Variants in PPP2CB observed in about 807,000 individuals in gnomAD.
PPP2CB encodes serine/threonine-protein phosphatase 2A catalytic subunit beta isoform.
A neutral mutation model predicts 39.1 loss-of-function variants in PPP2CB; 18 were observed. The ratio of observed to expected loss-of-function variants is 0.46; its 90% CI spans 0.32 to 0.68. The LOEUF is 0.68. Ranked by LOEUF, PPP2CB falls within the 30% of genes least tolerant of loss-of-function variation. PPP2CB has a pLI of 0.04. For missense variants in PPP2CB, 226 were observed against 396.9 expected, an observed-to-expected ratio of 0.57 and a Z score of 3.66; for synonymous variants, 129 against 133.8, an observed-to-expected ratio of 0.96 and a Z score of 0.25.
At chr8:30,804,168 GAA>G (rs1208632483) in intron 1 of PPP2CB, among the ~76,000 whole-genome samples, 1 of 152,124 alleles carries the variant, frequency 6.6e-6, no homozygotes, top group Non-Finnish European at 1.5e-5. Flanking sequence ...AACTCAACTG[GAA>G]AAATCCCTCA....
At chr8:30,786,714 A>G (rs149507025) in intron 6 of PPP2CB, among the ~76,000 whole-genome samples, 231 of 138,004 alleles carry the variant, frequency 1.7e-3, no homozygotes, top group African/African-American at 5.7e-3. Context: ...CCCAGGCTGG[A>G]GTGCACTGGC....
intron 1 of PPP2CB, among the ~76,000 whole-genome samples, chr8:30,803,735 T>C (rs1806664024): frequency 6.6e-6 from 1 of 151,716 alleles, no homozygotes; most frequent in Non-Finnish European, 1.5e-5. Context: ...TACACACATA[T>C]CACAAAGTAG....
chr8:30,789,505 AAGG>A (rs1806396526), intron 6 of PPP2CB, among the ~76,000 whole-genome samples: 1 of 152,176 alleles, frequency 6.6e-6, no homozygotes, highest in African/African-American at 2.4e-5. Flanking sequence ...ATCAAAGCTG[AAGG>A]AGTTTATATT....
chr8:30,797,576 C>T lies in PPP2CB; in HGVS notation c.486+5G>A. On this transcript the variant is annotated splice_donor_5th_base_variant and intron_variant, in intron 3 of 6. Coordinates refer to ENST00000221138, the MANE Select transcript of PPP2CB (RefSeq NM_001009552.2). ...CTCCCAAGATGTAAGCACACATATA[C>T]ATACCTGTCCATCTACTAAAGCTGT... The T allele has an allele frequency of 6.2e-7, 1 of 1,608,952 alleles. No homozygotes were observed. Among genetic ancestry groups the T allele is most frequent in the Non-Finnish European group, 8.5e-7 (1 of 1,176,074 alleles).
intron 1 of PPP2CB, among the ~76,000 whole-genome samples, chr8:30,802,511 C>T (rs1004125636): frequency 1.8e-4 from 27 of 152,168 alleles, no homozygotes; most frequent in African/African-American, 5.8e-4. Context: ...GACAGGGTCT[C>T]GCTCTGTTGC....
At chr8:30,790,019 C>A (rs543359205) in intron 6 of PPP2CB, among the ~76,000 whole-genome samples, 1 of 152,264 alleles carries the variant, frequency 6.6e-6, no homozygotes, top group South Asian at 2.1e-4. Context: ...GTGTGTGTTT[C>A]TTTTCCTCTT....
intron 1 of PPP2CB, among the ~76,000 whole-genome samples, chr8:30,806,430 G>A (rs1269409828): frequency 1.3e-5 from 2 of 152,086 alleles, no homozygotes; most frequent in African/African-American, 4.8e-5. Context: ...GGTCATTAAG[G>A]AAGAAAAGAT....
intron 1 of PPP2CB, among the ~76,000 whole-genome samples, chr8:30,804,980 A>G (rs891784248): frequency 2.6e-5 from 4 of 152,100 alleles, no homozygotes; most frequent in Non-Finnish European, 5.9e-5. Context: ...CCTGGTGTTC[A>G]TTAATCGTGT....
intron 5 of PPP2CB, 29 bp from the exon 6 acceptor site, chr8:30,791,344 CATT>C: frequency 1.4e-6 from 2 of 1,440,606 alleles, no homozygotes; most frequent in South Asian, 2.4e-5. Context: ...TTCATTATTT[CATT>C]ATAATATTAT....
chr8:30,791,970 GTA>G (rs761363265), intron 5 of PPP2CB, among the ~76,000 whole-genome samples: 148 of 88,172 alleles, frequency 1.7e-3, no homozygotes, highest in African/African-American at 1.3e-3. Context: ...GTATACGTGT[GTA>G]TATGTGTATA....
At chr8:30,800,132 A>G (rs1260519035) in intron 1 of PPP2CB, among the ~76,000 whole-genome samples, 1 of 152,248 alleles carries the variant, frequency 6.6e-6, no homozygotes, top group Non-Finnish European at 1.5e-5. Context: ...CATTATTAAT[A>G]ACAGCCAAAA....
Position 30,793,914 on chromosome 8 carries a change from T to C in PPP2CB, c.738+3A>G. 16 of 1,610,630 alleles carry C rather than the reference T, an allele frequency of 9.9e-6. No homozygotes were observed. The highest frequency in any genetic ancestry group is 1.3e-5 in the African/African-American group (1 of 74,942). On this transcript the variant is annotated splice_donor_region_variant and intron_variant, in intron 5 of 6. Coordinates refer to ENST00000221138, the MANE Select transcript of PPP2CB (RefSeq NM_001009552.2). ...AAGATCATTCTGTCAGGAAAGTACA[T>C]ACCTCCATTACAAGCTGGTGGGCAC...
chr8:30,799,440 G>T, intron 2 of PPP2CB, 106 bp downstream of exon 2: 1 of 857,908 alleles, frequency 1.2e-6, no homozygotes, highest in Non-Finnish European at 1.8e-6. Context: ...TATTTTAAGG[G>T]GCTATAAACT....
intron 1 of PPP2CB, among the ~76,000 whole-genome samples, chr8:30,811,784 G>A (rs2128763324): frequency 6.6e-6 from 1 of 152,282 alleles, no homozygotes. Context: ...CCACAGGCGT[G>A]AGCCACCACG....
intron 5 of PPP2CB, 51 bp downstream of exon 5, chr8:30,793,866 G>A (rs781233464): frequency 6.6e-7 from 1 of 1,515,594 alleles, no homozygotes; most frequent in South Asian, 1.3e-5. Flanking sequence ...CCTTATTACA[G>A]AAGTATATAC....
At chr8:30,808,164 T>C (rs943935517) in intron 1 of PPP2CB, among the ~76,000 whole-genome samples, 3 of 152,148 alleles carry the variant, frequency 2.0e-5, no homozygotes, top group South Asian at 2.1e-4. Flanking sequence ...GCAGTGGCGA[T>C]CTCGGCTCAC....
intron 3 of PPP2CB, among the ~76,000 whole-genome samples, chr8:30,795,144 C>T (rs1296941213): frequency 1.5e-5 from 2 of 129,184 alleles, no homozygotes; most frequent in African/African-American, 5.9e-5. Context: ...TTTTTTGAGA[C>T]GGAGTTTCGC....
intron 1 of PPP2CB, 106 bp from the exon 2 acceptor site, chr8:30,799,861 G>GT (rs1368962492): frequency 5.4e-6 from 5 of 929,530 alleles, no homozygotes; most frequent in Non-Finnish European, 8.2e-6. Context: ...TTATAAAAGC[G>GT]TATGTGAAAA....
intron 1 of PPP2CB, among the ~76,000 whole-genome samples, chr8:30,801,022 C>T (rs1241221752): frequency 1.4e-5 from 2 of 146,596 alleles, no homozygotes; most frequent in African/African-American, 5.1e-5. Context: ...GGCTGGGCAA[C>T]ATAGTGAGAC....
Sources: gnomAD v4.1 joint callset for allele counts (sites outside exome capture counted in the v4.1 genomes callset) on GRCh38, gnomAD v4.1.1 for gene constraint, MANE v1.5 for transcripts, NCBI Gene and HGNC (gene_info 2026-07-23, HGNC 2026-07-21) for gene names.